Variants in CHD2 observed in about 807,000 individuals in gnomAD.
CHD2 encodes the protein chromodomain helicase DNA binding protein 2, also known as ATP-dependent chromatin remodeler CHD2.
Under a neutral mutation model 243.9 loss-of-function variants are expected in CHD2, and 28 were observed. The ratio of observed to expected loss-of-function variants is 0.11; its 90% CI spans 0.09 to 0.16. The LOEUF (loss-of-function observed/expected upper bound fraction) is 0.16, where lower values mean the gene tolerates loss of function less well. Ranked by LOEUF, CHD2 falls within the 10% of genes least tolerant of loss-of-function variation. The probability of loss-of-function intolerance (pLI) is 1.00; values close to 1 mark genes in which losing one functional copy is unlikely to be tolerated. For missense variants in CHD2, 1,386 were observed against 2,209.8 expected (o/e 0.63, Z 7.47); for synonymous variants, 775 against 779.0 (o/e 0.99, Z 0.09).
chr15:92,948,450 T>C (rs1723246588), intron 12 of CHD2, among the ~76,000 whole-genome samples: 1 of 152,190 alleles, frequency 6.6e-6, no homozygotes, highest in Non-Finnish European at 1.5e-5. Flanking sequence ...ACTAAAAATA[T>C]TTTATTTGAG....
chr15:92,932,836 T>TCTGCCTCCTG (rs11267768), intron 5 of CHD2, among the ~76,000 whole-genome samples: 1 of 151,822 alleles, frequency 6.6e-6, no homozygotes, highest in African/African-American at 2.4e-5. Context: ...CAGCTCACTG[T>TCTGCCTCCTG]GACTCAAGTG....
At chr15:92,905,834 G>A (rs11074118) in intron 2 of CHD2, among the ~76,000 whole-genome samples, 42,110 of 152,136 alleles carry the variant, frequency 0.28, 7,004 homozygotes, top group Non-Finnish European at 0.37. Context: ...AGAACTTGAT[G>A]AACGTTTAAC....
intron 2 of CHD2, among the ~76,000 whole-genome samples, chr15:92,906,670 T>G (rs1465940851): frequency 6.6e-6 from 1 of 151,602 alleles, no homozygotes; most frequent in African/African-American, 2.4e-5. Flanking sequence ...CCATCTTTTT[T>G]TTTTTTTTTT....
intron 28 of CHD2, among the ~76,000 whole-genome samples, chr15:92,993,862 C>T (rs536129532): frequency 6.0e-4 from 91 of 152,210 alleles, no homozygotes; most frequent in Middle Eastern, 6.8e-3. Flanking sequence ...GTGGGAGGTT[C>T]GATTGAGACC....
chr15:92,906,271 A>T (rs535052421), intron 2 of CHD2, among the ~76,000 whole-genome samples: 2 of 152,144 alleles, frequency 1.3e-5, no homozygotes, highest in Non-Finnish European at 2.9e-5. Context: ...CTCTCTCTGT[A>T]TCCTTGCCGT....
intron 2 of CHD2, among the ~76,000 whole-genome samples, chr15:92,923,786 G>C (rs1014329894): frequency 6.6e-6 from 1 of 151,854 alleles, no homozygotes; most frequent in African/African-American, 2.4e-5. Flanking sequence ...GGATGCTCTC[G>C]ATCTCCTGAC....
chr15:92,904,855 A>C, intron 2 of CHD2: 1 of 1,525,974 alleles, frequency 6.6e-7, no homozygotes, highest in South Asian at 1.2e-5. Context: ...TCAGAGGCGG[A>C]TACTTTTATT....
chr15:93,001,505 T>C (rs1279425640), intron 32 of CHD2, among the ~76,000 whole-genome samples: 1 of 152,120 alleles, frequency 6.6e-6, no homozygotes, highest in Admixed American at 6.6e-5. Flanking sequence ...TACATACAGA[T>C]ATTTATTTAT....
chr15:93,003,293 A>C (rs1267278092), intron 33 of CHD2, among the ~76,000 whole-genome samples: 1 of 151,888 alleles, frequency 6.6e-6, no homozygotes, highest in Non-Finnish European at 1.5e-5. Flanking sequence ...TCTCAAAAAA[A>C]AAAAAAAAAA....
chr15:92,952,547 G>C (rs1567139603), intron 13 of CHD2, among the ~76,000 whole-genome samples: 1 of 152,218 alleles, frequency 6.6e-6, no homozygotes, highest in Non-Finnish European at 1.5e-5. Flanking sequence ...TCCCTCACAT[G>C]TGTAGTTCAT....
At chr15:92,980,953 G>C (rs1342108241) in intron 23 of CHD2, 42 bp downstream of exon 23, 2 of 1,346,146 alleles carry the variant, frequency 1.5e-6, no homozygotes, top group South Asian at 1.2e-5. Context: ...TGAGAAGTAT[G>C]ATCTGTGAGA....
intron 5 of CHD2, among the ~76,000 whole-genome samples, chr15:92,933,450 T>A (rs1270633476): frequency 1.3e-5 from 2 of 152,240 alleles, no homozygotes; most frequent in East Asian, 3.8e-4. Context: ...AATCTCTGAC[T>A]TAGAGTCATA....
chr15:93,011,640 T>C (rs1370325293), intron 35 of CHD2, among the ~76,000 whole-genome samples: 2 of 152,166 alleles, frequency 1.3e-5, no homozygotes, highest in South Asian at 2.1e-4. Flanking sequence ...TGAGAAGATA[T>C]GAGACTCCTT....
At chr15:92,991,613 TG>T in intron 27 of CHD2, 96 bp downstream of exon 27, 1 of 802,246 alleles carries the variant, frequency 1.2e-6, no homozygotes. Context: ...ATACTAATGC[TG>T]GGAACATTTT....
intron 15 of CHD2, 52 bp downstream of exon 15, chr15:92,955,564 G>C (rs774934588): frequency 2.6e-6 from 3 of 1,171,592 alleles, no homozygotes; most frequent in Non-Finnish European, 2.5e-6. Context: ...GACTTGTCCA[G>C]ATGGTAGGGT....
At chr15:92,967,273 A>T in intron 16 of CHD2, 52 bp from the exon 17 acceptor site, 4 of 1,313,024 alleles carry the variant, frequency 3.0e-6, no homozygotes, top group Admixed American at 2.4e-5. Context: ...TTTTTTTCCT[A>T]TTCTTCTTTT....
chr15:92,983,273 TG>T (rs1432834353), intron 24 of CHD2, among the ~76,000 whole-genome samples: 2 of 152,354 alleles, frequency 1.3e-5, no homozygotes, highest in East Asian at 3.9e-4. Flanking sequence ...CCTGCACTTG[TG>T]TAACTCTTAC....
intron 11 of CHD2, 79 bp from the exon 12 acceptor site, chr15:92,945,959 G>T: frequency 1.4e-6 from 2 of 1,459,142 alleles, no homozygotes; most frequent in South Asian, 1.3e-5. Context: ...ATGTTTTATT[G>T]ATTATGCATA....
chr15:93,016,467 A>C (rs1020644935), intron 37 of CHD2, among the ~76,000 whole-genome samples: 1 of 152,238 alleles, frequency 6.6e-6, no homozygotes, highest in Admixed American at 6.5e-5. Flanking sequence ...ACAATGTATT[A>C]TATAAGTGAG....
Sources: gnomAD v4.1 joint callset for allele counts (sites outside exome capture counted in the v4.1 genomes callset) on GRCh38, gnomAD v4.1.1 for gene constraint, MANE v1.5 for transcripts, NCBI Gene and HGNC (gene_info 2026-07-23, HGNC 2026-07-21) for gene names.